NEDD4: variants seen among roughly 807,000 people sequenced by gnomAD.
The protein encoded by NEDD4 is E3 ubiquitin-protein ligase NEDD4.
In NEDD4, 99 loss-of-function variants were observed where a neutral mutation model predicts 144.9. That is an observed-to-expected ratio of 0.68 (90% confidence interval 0.58 to 0.81). NEDD4 has a LOEUF of 0.81. Ranked by LOEUF, NEDD4 falls within the 30% of genes least tolerant of loss-of-function variation. NEDD4 has a pLI of 0.00. For synonymous variants in NEDD4, 318 were observed against 350.6 expected, an observed-to-expected ratio of 0.91 and a Z score of 1.04; for missense variants, 985 against 1,065.9, an observed-to-expected ratio of 0.92 and a Z score of 1.06.
Position 55,913,471 on chromosome 15 carries a change from AAATTT to A in NEDD4, c.291+11170_291+11174del, listed in dbSNP as rs1458581408. On this transcript the variant is annotated intron_variant, in intron 5 of 28. Transcript: ENST00000435532. ...GATCTATTTAGATATAGCATAAATT[AAATTT>A]AACTGTCACTATATGGTTTACAATG... Among the ~76,000 whole-genome samples the A allele has an allele frequency of 3.3e-5, 5 of 152,092 alleles. 1 individual carries two copies. The highest frequency in any genetic ancestry group is 1.2e-4 in the African/African-American group (5 of 41,450).
chr15:55,983,874 G>C (rs1007149888), intron 1 of NEDD4, among the ~76,000 whole-genome samples: 5 of 152,074 alleles, frequency 3.3e-5, no homozygotes, highest in Non-Finnish European at 5.9e-5. Flanking sequence ...GCCTCCGAAA[G>C]TGCTGGGATT....
intron 2 of NEDD4, among the ~76,000 whole-genome samples, chr15:55,964,615 T>C (rs1299072774): frequency 2.0e-5 from 3 of 151,910 alleles, no homozygotes; most frequent in Non-Finnish European, 2.9e-5. Flanking sequence ...ACATATATTA[T>C]AAATGTTAAG....
intron 5 of NEDD4, among the ~76,000 whole-genome samples, chr15:55,891,943 T>C (rs1012645183): frequency 1.3e-5 from 2 of 152,116 alleles, no homozygotes; most frequent in African/African-American, 4.8e-5. Context: ...CTTTGAAGAA[T>C]ACTTTGCTTT....
chr15:55,988,503 A>AAAAAATAAAAAAAAAAAAAAAAAG (rs1566980054), intron 1 of NEDD4, among the ~76,000 whole-genome samples: 1 of 147,802 alleles, frequency 6.8e-6, no homozygotes, highest in African/African-American at 2.5e-5. Flanking sequence ...AAAAAAAAAA[A>AAAAAATAAAAAAAAAAAAAAAAAG]AAAGAAAAAC....
At chr15:55,866,881 C>T (rs1397168225) in intron 8 of NEDD4, among the ~76,000 whole-genome samples, 1 of 152,186 alleles carries the variant, frequency 6.6e-6, no homozygotes, top group Non-Finnish European at 1.5e-5. Context: ...TATGTATCAG[C>T]TGCTATTCTT....
chr15:55,929,119 G>A (rs1171320542), intron 4 of NEDD4, among the ~76,000 whole-genome samples: 1 of 152,116 alleles, frequency 6.6e-6, no homozygotes, highest in African/African-American at 2.4e-5. Flanking sequence ...GAGGGCAGAG[G>A]AAGCTGAAAA....
chr15:55,980,168 G>A (rs2037774963), intron 1 of NEDD4, among the ~76,000 whole-genome samples: 1 of 152,036 alleles, frequency 6.6e-6, no homozygotes, highest in African/African-American at 2.4e-5. Context: ...CTGACCTCAG[G>A]TGATCTGCCT....
At chr15:55,928,019 C>T (rs1415578908) in intron 4 of NEDD4, among the ~76,000 whole-genome samples, 1 of 151,356 alleles carries the variant, frequency 6.6e-6, no homozygotes, top group South Asian at 2.1e-4. Flanking sequence ...ACTACCTCAA[C>T]TATCTTTTTT....
chr15:55,990,753 G>C (rs1034745664), intron 1 of NEDD4, among the ~76,000 whole-genome samples: 1 of 152,114 alleles, frequency 6.6e-6, no homozygotes, highest in African/African-American at 2.4e-5. Flanking sequence ...AAGGAGGTGG[G>C]AAGTGATGCT....
At chr15:55,953,216 C>T (rs1036033994) in intron 2 of NEDD4, among the ~76,000 whole-genome samples, 12 of 151,864 alleles carry the variant, frequency 7.9e-5, no homozygotes, top group African/African-American at 2.9e-4. Flanking sequence ...TCTTGAACTC[C>T]TGACCTCAGG....
Position 55,848,813 on chromosome 15 carries a change from G to C in NEDD4, c.1421C>G (p.Pro474Arg), listed in dbSNP as rs1657443770. ...TSLDTSNDLGPLPPGWEERTH... is the reference protein window; with the variant it reads ...TSLDTSNDLGRLPPGWEERTH... Reference sequence around the variant, plus strand: ...GCATTTCTATACACTTACAGGTAAAGGCCCTAGATCATTGGAAGTATCAAG... The same window carrying C: ...GCATTTCTATACACTTACAGGTAAACGCCCTAGATCATTGGAAGTATCAAG... Residue 474 changes from proline (P) to arginine (R), a missense_variant, in exon 15 of 29, where the codon CCT (proline) becomes CGT (arginine). By Grantham distance (103) the Pro-to-Arg change is moderately radical. Transcript: ENST00000435532. 6.2e-7 allele frequency: 1 copy of C among 1,613,272 alleles called. No individual in the cohort carries two copies. The highest frequency in any genetic ancestry group is 8.5e-7 in the Non-Finnish European group (1 of 1,179,412).
At chr15:55,936,791 T>G (rs9920184) in intron 4 of NEDD4, among the ~76,000 whole-genome samples, 45,588 of 147,176 alleles carry the variant, frequency 0.31, 7,069 homozygotes, top group South Asian at 0.4. Flanking sequence ...TTGCTATTTC[T>G]TTTCTTTTTT....
chr15:55,838,270 TTTAAA>T lies in NEDD4; in HGVS notation c.2128-95_2128-91del, dbSNP rs1566899527. 7 of 946,100 alleles carry T rather than the reference TTTAAA, an allele frequency of 7.4e-6. No homozygotes were observed. The East Asian group carries it at 8.0e-5, about 11-fold the overall frequency. The allele number at this position is 946,100 out of a possible 1,614,324, so 58.6% of individuals were successfully genotyped here. A position where few individuals can be genotyped will look rare whatever the true frequency, so the allele number is the denominator to read the frequency against. ...TGTAGTTATACGAGAAACTTGGTGT[TTTAAA>T]TTAAGTCCAGTCAAAAGTTAAAAAC... On this transcript the variant is annotated intron_variant, in intron 22 of 28. Coordinates refer to ENST00000435532, the MANE Select transcript of NEDD4 (RefSeq NM_006154.4).
chr15:55,841,196 T>C (rs1182902061), intron 19 of NEDD4, among the ~76,000 whole-genome samples: 1 of 152,070 alleles, frequency 6.6e-6, no homozygotes, highest in African/African-American at 2.4e-5. Flanking sequence ...CCTCCCAAAG[T>C]GGTGGGATTA....
intron 8 of NEDD4, among the ~76,000 whole-genome samples, chr15:55,867,111 T>C (rs1350711109): frequency 6.6e-6 from 1 of 152,216 alleles, no homozygotes; most frequent in East Asian, 1.9e-4. Context: ...ATTATAGCCA[T>C]ACTTTACTAC....
At chr15:55,856,282 G>A (rs2034191774) in intron 11 of NEDD4, 86 bp from the exon 12 acceptor site, 1 of 1,156,416 alleles carries the variant, frequency 8.6e-7, no homozygotes, top group Admixed American at 1.9e-5. Flanking sequence ...GGGTAAATAT[G>A]ACAGGGCAGA....
chr15:55,855,390 C>T (rs969840750), intron 12 of NEDD4, among the ~76,000 whole-genome samples: 2 of 152,150 alleles, frequency 1.3e-5, no homozygotes, highest in African/African-American at 4.8e-5. Context: ...TGGGAACAGT[C>T]TGCTTGGAAG....
At chr15:55,874,078 GTGCCACCA>G (rs1168529059) in intron 5 of NEDD4, 70 bp from the exon 6 acceptor site, 2 of 822,882 alleles carry the variant, frequency 2.4e-6, no homozygotes, top group African/African-American at 3.5e-5. Flanking sequence ...TGATGAGATA[GTGCCACCA>G]TTCACAGAAA....
intron 4 of NEDD4, among the ~76,000 whole-genome samples, chr15:55,929,858 T>A (rs2036746671): frequency 6.6e-6 from 1 of 152,042 alleles, no homozygotes; most frequent in African/African-American, 2.4e-5. Context: ...CATTTAGGAA[T>A]GTCTTGCATC....
Sources: gnomAD v4.1 joint callset for allele counts (sites outside exome capture counted in the v4.1 genomes callset) on GRCh38, gnomAD v4.1.1 for gene constraint, MANE v1.5 for transcripts, NCBI Gene and HGNC (gene_info 2026-07-23, HGNC 2026-07-21) for gene names.